The following ZNF470 variants were observed in gnomAD, a reference collection of about 807,000 sequenced individuals.
ZNF470 encodes zinc finger protein 470.
A neutral mutation model predicts 13.9 loss-of-function variants in ZNF470; 13 were observed. The ratio of observed to expected loss-of-function variants is 0.94; its 90% CI spans 0.61 to 1.49. The LOEUF is 1.49. ZNF470 is among the 40% of genes most tolerant of loss of function. The pLI, the probability that ZNF470 is intolerant of heterozygous loss-of-function variation, is 0.00. For synonymous variants in ZNF470, 293 were observed against 282.9 expected, an observed-to-expected ratio of 1.04 and a Z score of -0.36; for missense variants, 929 against 857.3, an observed-to-expected ratio of 1.08 and a Z score of -1.04.
Position 56,579,597 on chromosome 19 carries a change from A to T in ZNF470, c.*1014A>T, listed in dbSNP as rs2147989399. 1.0e-6 allele frequency: 1 copy of T among 985,338 alleles called. No individual in the cohort carries two copies. The highest frequency in any genetic ancestry group is 1.1e-4 in the East Asian group (1 of 8,828). 61.0% of individuals were successfully genotyped at this position (985,338 alleles called of 1,614,324 possible). The stretch of plus-strand genomic sequence containing the variant: ...AAGTACCACAGACAATTCGTGTGGT[A>T]TTTAAATTGTTCTAGCATAAAATAA... On this transcript the variant is annotated 3_prime_UTR_variant, in exon 6 of 6. Transcript: ENST00000330619.
rs546505369 is a variant in ZNF470 at position 56,578,398 on chromosome 19, G to C, written c.1969G>C (p.Ala657Pro). Residue 657 changes from alanine to proline, a missense_variant, in exon 6 of 6, where the codon GCC (alanine) becomes CCC (proline). Coordinates refer to ENST00000330619, the MANE Select transcript of ZNF470 (RefSeq NM_001001668.4). ...TTATGAGTGTAAGGAATGTAGCAAA[G>C]CCTTCAGCCAGGTTGCCCATCTTAC... is the stretch of plus-strand genomic sequence containing the variant. Reference protein sequence around the residue: ...KPYECKECSKAFSQVAHLTLH... With the variant: ...KPYECKECSKPFSQVAHLTLH... The C allele has an allele frequency of 6.2e-7, 1 of 1,609,944 alleles. No individual in the cohort carries two copies. Among genetic ancestry groups the C allele is most frequent in the South Asian group, 1.1e-5 (1 of 90,590 alleles).
In ZNF470 at chr19:56,573,036, A is replaced by ATAGCT. The variant is rs571484544; in HGVS notation, c.61-1355_61-1351dup. ...TCTTCAATGGTTAAAAACAAAGCTG[A>ATAGCT]TAGCTTAACTAAACAGAACAGTATT... is the stretch of plus-strand genomic sequence containing the variant. On this transcript the variant is annotated intron_variant, in intron 3 of 5. Transcript: ENST00000330619. 2.6e-5 allele frequency among the ~76,000 whole-genome samples: 4 copies of ATAGCT among 152,370 alleles called. No homozygotes were observed. In the South Asian group the frequency reaches 8.3e-4, roughly 32 times the overall value.
rs1235488077 is a variant in ZNF470 at position 56,570,221 on chromosome 19, A to G, written c.-32-59A>G. 14 of 1,285,164 alleles carry G rather than the reference A, an allele frequency of 1.1e-5. No individual in the cohort carries two copies. The East Asian group carries it at 2.8e-4, about 26-fold the overall frequency. The allele number at this position is 1,285,164 out of a possible 1,614,324, so 79.6% of individuals were successfully genotyped here. ...CAGAAGAAGCTGAAGGGAAGAAAGC[A>G]TTTTCAGACTTTGATTATTAGTGCT... On this transcript the variant is annotated intron_variant, in intron 2 of 5. Transcript: ENST00000330619.
chr19:56,579,051 A>G lies in ZNF470; in HGVS notation c.*468A>G. On this transcript the variant is annotated 3_prime_UTR_variant, in exon 6 of 6. Coordinates refer to ENST00000330619, the MANE Select transcript of ZNF470 (RefSeq NM_001001668.4). ...GGTACACAAGGTAACATGGTGGCTT[A>G]TCACTCCCTCTGTGACATTGTTGAT... The G allele has an allele frequency of 7.1e-6, 7 of 986,150 alleles. No individual in the cohort carries two copies. The highest frequency in any genetic ancestry group is 8.4e-6 in the Non-Finnish European group (7 of 830,438). 61.1% of individuals were successfully genotyped at this position (986,150 alleles called of 1,614,324 possible). A position where few individuals can be genotyped will look rare whatever the true frequency, so the allele number is the denominator to read the frequency against.
chr19:56,581,518 A>C lies in ZNF470; in HGVS notation c.*2935A>C, dbSNP rs1195769897. The C allele has an allele frequency of 1.2e-6, 1 of 844,052 alleles. No individual in the cohort carries two copies. The highest frequency in any genetic ancestry group is 1.8e-5 in the African/African-American group (1 of 54,332). 52.3% of individuals were successfully genotyped at this position (844,052 alleles called of 1,614,324 possible). ...ACAACAAGTGTCCATCAGGGTAATA[A>C]ATAAATTAATTATGGTATATATCCA... On this transcript the variant is annotated 3_prime_UTR_variant, in exon 6 of 6. Transcript: ENST00000330619.
In ZNF470 at chr19:56,580,035, A is replaced by G. The variant is rs2044523691; in HGVS notation, c.*1452A>G. 1 of 561,322 alleles carries G rather than the reference A, an allele frequency of 1.8e-6. No individual in the cohort carries two copies. Among genetic ancestry groups the G allele is most frequent in the Non-Finnish European group, 2.3e-6 (1 of 443,104 alleles). 34.8% of individuals were successfully genotyped at this position (561,322 alleles called of 1,614,324 possible). On this transcript the variant is annotated 3_prime_UTR_variant, in exon 6 of 6. Transcript: ENST00000330619. Reference sequence around the variant, plus strand: ...AAATACGTGCTCTTACAGATCTAGTAGAACAGAAAAAATTAAATGCATGCT... The same window carrying G: ...AAATACGTGCTCTTACAGATCTAGTGGAACAGAAAAAATTAAATGCATGCT...
intron 2 of ZNF470, among the ~76,000 whole-genome samples, chr19:56,569,645 T>A (rs2044435958): frequency 6.6e-6 from 1 of 152,072 alleles, no homozygotes; most frequent in Admixed American, 6.6e-5. Flanking sequence ...AAGACAGTAT[T>A]AATATATGCA....
At chr19:56,573,194 T>C (rs549768651) in intron 3 of ZNF470, among the ~76,000 whole-genome samples, 3 of 152,122 alleles carry the variant, frequency 2.0e-5, no homozygotes, top group Admixed American at 6.6e-5. Context: ...TGGCCTTCTC[T>C]TCTTCTCTCT....
In ZNF470 at chr19:56,574,389, T is replaced by G. The variant is rs1282857698; in HGVS notation, c.61-5T>G. The G allele has an allele frequency of 6.2e-7, 1 of 1,613,586 alleles. No individual in the cohort carries two copies. The highest frequency in any genetic ancestry group is 1.1e-5 in the South Asian group (1 of 91,070). ...GTGAGCAAGATCATATTTGTGTCAT[T>G]TTAGGGTTCAGTGACTTTCACAGAT... On this transcript the variant is annotated splice_region_variant and splice_polypyrimidine_tract_variant and intron_variant, in intron 3 of 5. Coordinates refer to ENST00000330619, the MANE Select transcript of ZNF470 (RefSeq NM_001001668.4).
intron 5 of ZNF470, 77 bp from the exon 6 acceptor site, chr19:56,576,636 T>C (rs1186727405): frequency 8.2e-7 from 1 of 1,224,020 alleles, no homozygotes; most frequent in East Asian, 2.6e-5. Context: ...AACTATGTGA[T>C]TCACATTTTC....
In ZNF470 at chr19:56,567,726, G is replaced by T. The variant is rs1164315760; in HGVS notation, c.-471G>T. On this transcript the variant is annotated 5_prime_UTR_variant, in exon 1 of 6. Transcript: ENST00000330619. ...GCGGCCCGGTGTGTGACTGTCCGGT[G>T]CGTGGCCGCGAATCTGCGCCTGCGT... 1.0e-6 allele frequency: 1 copy of T among 988,350 alleles called. No homozygotes were observed. Among genetic ancestry groups the T allele is most frequent in the Non-Finnish European group, 1.2e-6 (1 of 832,250 alleles). The allele number at this position is 988,350 out of a possible 1,614,324, so 61.2% of individuals were successfully genotyped here.
In ZNF470 at chr19:56,581,089, A is replaced by T; in HGVS notation, c.*2506A>T. On this transcript the variant is annotated 3_prime_UTR_variant, in exon 6 of 6. Coordinates refer to ENST00000330619, the MANE Select transcript of ZNF470 (RefSeq NM_001001668.4). ...GTGGAAAACATCATAGTCAATAGATAAATGAGAGACTGACACAAAGTGTTT... is the reference window on the plus strand; with the variant it reads ...GTGGAAAACATCATAGTCAATAGATTAATGAGAGACTGACACAAAGTGTTT... 1 of 982,046 alleles carries T rather than the reference A, an allele frequency of 1.0e-6. No individual in the cohort carries two copies. The highest frequency in any genetic ancestry group is 1.2e-6 in the Non-Finnish European group (1 of 826,848). The allele number at this position is 982,046 out of a possible 1,614,324, so 60.8% of individuals were successfully genotyped here. A position where few individuals can be genotyped will look rare whatever the true frequency, so the allele number is the denominator to read the frequency against.
chr19:56,569,804 T>A (rs2044437396), intron 2 of ZNF470, among the ~76,000 whole-genome samples: 1 of 151,744 alleles, frequency 6.6e-6, no homozygotes, highest in Non-Finnish European at 1.5e-5. Flanking sequence ...AATTGGGCAA[T>A]ATAGTGAGAC....
Position 56,577,714 on chromosome 19 carries a change from G to C in ZNF470, c.1285G>C (p.Val429Leu). 1 of 1,611,148 alleles carries C rather than the reference G, an allele frequency of 6.2e-7. No individual in the cohort carries two copies. Among genetic ancestry groups the C allele is most frequent in the Non-Finnish European group, 8.5e-7 (1 of 1,177,690 alleles). ...HTGERPYKCN[V>L]CGKAFSHGSS... ...TGGAGAGAGACCTTACAAATGTAAT[G>C]TGTGTGGGAAGGCTTTTAGCCATGG... is the stretch of plus-strand genomic sequence containing the variant. Residue 429 changes from valine to leucine, a missense_variant, in exon 6 of 6, where the codon GTG becomes CTG. Physicochemically the swap from Val to Leu is conservative, Grantham distance 32. Coordinates refer to ENST00000330619, the MANE Select transcript of ZNF470 (RefSeq NM_001001668.4).
At chr19:56,573,938 T>A (rs1568494387) in intron 3 of ZNF470, 1 of 984,706 alleles carries the variant, frequency 1.0e-6, no homozygotes, top group Non-Finnish European at 1.2e-6. Flanking sequence ...TCAAGAACAC[T>A]AAGATTTCTT....
At chr19:56,574,080 G>A (rs896418688) in intron 3 of ZNF470, 33 of 427,644 alleles carry the variant, frequency 7.7e-5, no homozygotes, top group South Asian at 6.9e-4. Context: ...GAATAGCATT[G>A]CGTTAGCACT....
At chr19:56,574,844 TAACACC>T in intron 5 of ZNF470, 111 bp downstream of exon 5, 1 of 903,150 alleles carries the variant, frequency 1.1e-6, no homozygotes, top group Non-Finnish European at 1.7e-6. Context: ...CTTGTTCTTC[TAACACC>T]AGTTTTTGAA....
rs1322802715 is a variant in ZNF470 at position 56,576,777 on chromosome 19, A to G, written c.348A>G (p.Leu116=). 2 of 1,539,124 alleles carry G rather than the reference A, an allele frequency of 1.3e-6. No homozygotes were observed. Among genetic ancestry groups the G allele is most frequent in the East Asian group, 2.3e-5 (1 of 44,148 alleles). The change falls in exon 6 of 6, where the codon TTA becomes TTG. Residue 116 remains leucine, a synonymous_variant. Transcript: ENST00000330619. ...SLNQDIYEEK[L]PPAIIMERLK... is the part of the protein sequence containing the mutation. ...ACCAGGATATTTATGAAGAAAAATT[A>G]CCCCCGGCAATCATAATGGAAAGAC...
At chr19:56,576,034 A>C (rs1227342491) in intron 5 of ZNF470, among the ~76,000 whole-genome samples, 1 of 152,202 alleles carries the variant, frequency 6.6e-6, no homozygotes, top group Admixed American at 6.5e-5. Flanking sequence ...AAACCAACAC[A>C]GTATATAAAC....
Sources: allele counts gnomAD v4.1 joint callset (sites outside exome capture counted in the v4.1 genomes callset), GRCh38; gene constraint gnomAD v4.1.1; transcripts MANE v1.5; gene names NCBI Gene and HGNC (gene_info 2026-07-23, HGNC 2026-07-21).